Variants in ROBO1 observed in about 807,000 individuals in gnomAD.
ROBO1 encodes the protein roundabout guidance receptor 1, also known as roundabout homolog 1.
ROBO1 carries 149 observed loss-of-function variants against 195.9 expected under a neutral mutation model. That is an observed-to-expected ratio of 0.76 (90% confidence interval 0.67 to 0.87). The LOEUF is 0.87. ROBO1 is among the 40% of genes least tolerant of loss of function. ROBO1 has a pLI of 0.00. For synonymous variants in ROBO1, 816 were observed against 733.2 expected (o/e 1.11, Z -1.82); for missense variants, 1,933 against 2,068.3 (o/e 0.93, Z 1.27).
At chr3:79,272,854 G>C (rs1047204494) in intron 2 of ROBO1, among the ~76,000 whole-genome samples, 1 of 151,942 alleles carries the variant, frequency 6.6e-6, no homozygotes, top group Non-Finnish European at 1.5e-5. Context: ...AATCCTGAAA[G>C]CAACAAGAGA....
At chr3:79,139,006 GAAT>G (rs1307364431) in intron 2 of ROBO1, among the ~76,000 whole-genome samples, 1 of 151,674 alleles carries the variant, frequency 6.6e-6, no homozygotes, top group Non-Finnish European at 1.5e-5. Flanking sequence ...AAAAAAAGTA[GAAT>G]AACTATACAA....
At chr3:79,735,452 T>C (rs1396470971) in intron 1 of ROBO1, among the ~76,000 whole-genome samples, 2 of 152,206 alleles carry the variant, frequency 1.3e-5, no homozygotes, top group Non-Finnish European at 2.9e-5. Flanking sequence ...TGGGTTCAAA[T>C]TCTTACTCTT....
intron 2 of ROBO1, among the ~76,000 whole-genome samples, chr3:79,580,928 T>C (rs914767504): frequency 2.0e-5 from 3 of 152,198 alleles, no homozygotes; most frequent in African/African-American, 7.2e-5. Context: ...GATTCAGCAA[T>C]GGAAACGTTT....
chr3:78,786,989 GGA>G (rs1442331520), intron 4 of ROBO1, among the ~76,000 whole-genome samples: 7 of 152,166 alleles, frequency 4.6e-5, no homozygotes, highest in African/African-American at 1.7e-4. Context: ...CTCCAGGGCT[GGA>G]CCTCCTAAAC....
At chr3:78,734,661 A>G (rs1188078367) in intron 5 of ROBO1, among the ~76,000 whole-genome samples, 5 of 152,066 alleles carry the variant, frequency 3.3e-5, no homozygotes, top group African/African-American at 1.2e-4. Flanking sequence ...TTAAGAGAAT[A>G]CTAACAAACA....
At chr3:78,962,500 G>C (rs2041406450) in intron 3 of ROBO1, among the ~76,000 whole-genome samples, 1 of 126,796 alleles carries the variant, frequency 7.9e-6, no homozygotes, top group African/African-American at 3.8e-5. Flanking sequence ...CCCTGGTACT[G>C]TCAGAGAACA....
At chr3:79,745,613 G>T (rs537401698) in intron 1 of ROBO1, among the ~76,000 whole-genome samples, 2 of 152,090 alleles carry the variant, frequency 1.3e-5, no homozygotes, top group Admixed American at 1.3e-4. Flanking sequence ...TTCAAAATGG[G>T]TGTGATAATA....
In ROBO1 at chr3:79,589,872, G is replaced by C. The variant is rs751554897; in HGVS notation, c.40C>G (p.Leu14Val). ...AGGTGATTTGGGGATAAGCTGAGGAGTGATATCATGACCAAAAAAGGAACA... is the reference window on the plus strand; with the variant it reads ...AGGTGATTTGGGGATAAGCTGAGGACTGATATCATGACCAAAAAAGGAACA... ...KHVPFLVMIS[L>V]LSLSPNHLFL... The change falls in exon 2 of 31, where the codon CTC (leucine) becomes GTC (valine). Residue 14 changes from leucine (L) to valine (V), a missense_variant. By Grantham distance (32) the Leu-to-Val change is conservative (BLOSUM62 1). Coordinates refer to ENST00000464233, the MANE Select transcript of ROBO1 (RefSeq NM_002941.4). The C allele has an allele frequency of 1.9e-6, 3 of 1,611,002 alleles. No individual in the cohort carries two copies. The highest frequency in any genetic ancestry group is 2.5e-6 in the Non-Finnish European group (3 of 1,177,958).
At chr3:79,303,385 C>T (rs1406637672) in intron 2 of ROBO1, among the ~76,000 whole-genome samples, 3 of 152,018 alleles carry the variant, frequency 2.0e-5, no homozygotes, top group Admixed American at 6.6e-5. Context: ...AGGCTGCTCT[C>T]GAACTCCTGA....
chr3:79,315,173 G>A (rs528994916), intron 2 of ROBO1, among the ~76,000 whole-genome samples: 100 of 152,286 alleles, frequency 6.6e-4, no homozygotes, highest in Non-Finnish European at 1.2e-3. Context: ...CAAGTGCAGT[G>A]ACTCATACCT....
intron 2 of ROBO1, among the ~76,000 whole-genome samples, chr3:79,516,137 C>T (rs1940933576): frequency 1.3e-5 from 2 of 152,038 alleles, no homozygotes; most frequent in South Asian, 2.1e-4. Flanking sequence ...TTAAATTTTT[C>T]ACTGCAACCG....
chr3:79,696,183 T>C (rs949484227), intron 1 of ROBO1, among the ~76,000 whole-genome samples: 2 of 151,440 alleles, frequency 1.3e-5, no homozygotes, highest in African/African-American at 4.8e-5. Context: ...CAACTTTTCC[T>C]CCAAGACTGA....
intron 2 of ROBO1, among the ~76,000 whole-genome samples, chr3:79,218,737 C>T (rs891861408): frequency 3.3e-5 from 5 of 151,838 alleles, no homozygotes; most frequent in African/African-American, 1.2e-4. Flanking sequence ...GGAATACTTC[C>T]AAGTGGTATT....
intron 2 of ROBO1, among the ~76,000 whole-genome samples, chr3:79,289,702 A>G: frequency 6.6e-6 from 1 of 152,256 alleles, no homozygotes; most frequent in East Asian, 1.9e-4. Flanking sequence ...TACAAAAATA[A>G]TATGCAAGAA....
intron 2 of ROBO1, among the ~76,000 whole-genome samples, chr3:79,374,318 T>C (rs758200728): frequency 1.3e-5 from 2 of 151,806 alleles, no homozygotes; most frequent in Non-Finnish European, 2.9e-5. Context: ...GAAAATATAA[T>C]AAATATTCTT....
chr3:78,870,875 C>T (rs1490819036), intron 4 of ROBO1, among the ~76,000 whole-genome samples: 5 of 152,024 alleles, frequency 3.3e-5, no homozygotes, highest in African/African-American at 9.7e-5. Flanking sequence ...TACATGGCCT[C>T]GATGAAATTT....
rs549137615 is a variant in ROBO1, at chr3:79,477,377, C to G, written c.88+112447G>C. The stretch of plus-strand genomic sequence containing the variant: ...AATCTGCTCTTTTGCTTGGGAAATT[C>G]CCACCAACAAGCTTGTAAATCTCTC... On this transcript the variant is annotated intron_variant, in intron 2 of 30. Transcript: ENST00000464233. Among the ~76,000 whole-genome samples the G allele has an allele frequency of 3.3e-5, 5 of 152,198 alleles. No individual in the cohort carries two copies. The South Asian group carries it at 1.0e-3, about 32-fold the overall frequency.
chr3:79,186,231 A>C (rs905473766), intron 2 of ROBO1, among the ~76,000 whole-genome samples: 5 of 152,144 alleles, frequency 3.3e-5, no homozygotes, highest in African/African-American at 1.2e-4. Context: ...GATTTTCATT[A>C]CACATACATA....
chr3:79,569,697 A>T (rs1288907170), intron 2 of ROBO1, among the ~76,000 whole-genome samples: 1 of 151,360 alleles, frequency 6.6e-6, no homozygotes, highest in Admixed American at 6.6e-5. Context: ...GTGTATATAT[A>T]TATGTGTGTG....
Sources: gnomAD v4.1 joint callset for allele counts (sites outside exome capture counted in the v4.1 genomes callset) on GRCh38, gnomAD v4.1.1 for gene constraint, MANE v1.5 for transcripts, NCBI Gene and HGNC (gene_info 2026-07-23, HGNC 2026-07-21) for gene names.